The following MSH3 variants were observed in gnomAD, a reference collection of about 807,000 sequenced individuals.
MSH3 encodes DNA mismatch repair protein Msh3.
Under a neutral mutation model 123.3 loss-of-function variants are expected in MSH3, and 106 were observed. That is an observed-to-expected ratio of 0.86 (90% CI 0.73 to 1.01). The LOEUF (loss-of-function observed/expected upper bound fraction) is 1.01, where lower values mean the gene tolerates loss of function less well. MSH3 is among the 50% of genes least tolerant of loss of function. MSH3 has a pLI of 0.00. For synonymous variants in MSH3, 515 were observed against 481.4 expected, an observed-to-expected ratio of 1.07 and a Z score of -0.91; for missense variants, 1,459 against 1,347.6, an observed-to-expected ratio of 1.08 and a Z score of -1.29.
intron 20 of MSH3, among the ~76,000 whole-genome samples, chr5:80,832,908 C>T (rs1486031261): frequency 1.3e-5 from 2 of 151,990 alleles, no homozygotes; most frequent in East Asian, 1.9e-4. Context: ...TAGCATTTTC[C>T]TTGCAAAAGG....
chr5:80,712,183 G>A (rs1750872419), intron 8 of MSH3, among the ~76,000 whole-genome samples: 1 of 152,102 alleles, frequency 6.6e-6, no homozygotes, highest in Admixed American at 6.5e-5. Flanking sequence ...CAGCCTCCAG[G>A]GTTCTAGTCC....
intron 21 of MSH3, among the ~76,000 whole-genome samples, chr5:80,857,916 T>C (rs910664037): frequency 2.6e-5 from 4 of 152,134 alleles, no homozygotes; most frequent in African/African-American, 9.6e-5. Flanking sequence ...TTATCTCTTT[T>C]CTTTTGCTTA....
At chr5:80,871,360 C>T (rs1210942765) in intron 22 of MSH3, among the ~76,000 whole-genome samples, 2 of 152,220 alleles carry the variant, frequency 1.3e-5, no homozygotes, top group Admixed American at 6.5e-5. Context: ...TTTATTACCT[C>T]ATAATTTCTG....
intron 10 of MSH3, 21 bp downstream of exon 10, chr5:80,728,986 TAAA>T: frequency 7.7e-7 from 1 of 1,292,060 alleles, no homozygotes. Flanking sequence ...CCTCCAAAAT[TAAA>T]AAAAGGGGGA....
Position 80,875,867 on chromosome 5 carries a change from A to T in MSH3, c.*5A>T. On this transcript the variant is annotated 3_prime_UTR_variant, in exon 24 of 24. Coordinates refer to ENST00000265081, the MANE Select transcript of MSH3 (RefSeq NM_002439.5). ...CAGACTTCTCTTCTTCATTAAAATG[A>T]AGACTACATTTGTGAACAAAAAATG... 1.3e-6 allele frequency: 2 copies of T among 1,547,012 alleles called. No homozygotes were observed. The highest frequency in any genetic ancestry group is 2.2e-5 in the South Asian group (2 of 89,508).
In MSH3 at chr5:80,864,903, G is replaced by C. The variant is rs1443075472; in HGVS notation, c.3091G>C (p.Gly1031Arg). 6.2e-7 allele frequency: 1 copy of C among 1,613,842 alleles called. No individual in the cohort carries two copies. The highest frequency in any genetic ancestry group is 8.5e-7 in the Non-Finnish European group (1 of 1,179,810). The stretch of plus-strand genomic sequence containing the variant: ...ACACCAGGTGGGGAATTACCACATG[G>C]GATTCTTGGTCAGTGAGGATGAAAG... ...YSHQVGNYHM[G>R]FLVSEDESKL... Residue 1031 changes from glycine (G) to arginine (R), a missense_variant, in exon 22 of 24, where the codon GGA becomes CGA. Physicochemically the swap from Gly to Arg is moderately radical, Grantham distance 125 (BLOSUM62 -2). Coordinates refer to ENST00000265081, the MANE Select transcript of MSH3 (RefSeq NM_002439.5).
At chr5:80,869,813 CAT>C (rs372333581) in intron 22 of MSH3, among the ~76,000 whole-genome samples, 20,394 of 129,286 alleles carry the variant, frequency 0.16, 1,536 homozygotes, top group East Asian at 0.27. Context: ...TACATATATA[CAT>C]ATATATATAC....
At chr5:80,692,774 A>G (rs893418500) in intron 8 of MSH3, among the ~76,000 whole-genome samples, 3 of 98,220 alleles carry the variant, frequency 3.1e-5, no homozygotes, top group South Asian at 2.9e-4. Context: ...ATACACATGT[A>G]TATGTTTGAT....
At chr5:80,730,894 A>ATTTTTTTTTTTTTTTTTTTTTTTTTTT (rs59224150) in intron 10 of MSH3, among the ~76,000 whole-genome samples, 1 of 127,780 alleles carries the variant, frequency 7.8e-6, no homozygotes, top group African/African-American at 3.0e-5. Context: ...ATATATATAT[A>ATTTTTTTTTTTTTTTTTTTTTTTTTTT]TTTTTTTTTT....
At chr5:80,821,414 T>G (rs1173239297) in intron 20 of MSH3, among the ~76,000 whole-genome samples, 1 of 152,234 alleles carries the variant, frequency 6.6e-6, no homozygotes, top group Non-Finnish European at 1.5e-5. Flanking sequence ...TGAAATTATT[T>G]TCACATTTAT....
chr5:80,875,907 C>T lies in MSH3; in HGVS notation c.*45C>T, dbSNP rs747382686. Reference sequence around the variant, plus strand: ...AACAAAAAATGGAGAATTAAAAATACCAACTGTACAAAATAACTCTCCAGT... The same window carrying T: ...AACAAAAAATGGAGAATTAAAAATATCAACTGTACAAAATAACTCTCCAGT... On this transcript the variant is annotated 3_prime_UTR_variant, in exon 24 of 24. Coordinates refer to ENST00000265081, the MANE Select transcript of MSH3 (RefSeq NM_002439.5). 2 of 1,183,126 alleles carry T rather than the reference C, an allele frequency of 1.7e-6. No homozygotes were observed. The highest frequency in any genetic ancestry group is 1.3e-5 in the South Asian group (1 of 79,706). The allele number at this position is 1,183,126 out of a possible 1,614,324, so 73.3% of individuals were successfully genotyped here. A position where few individuals can be genotyped will look rare whatever the true frequency, so the allele number is the denominator to read the frequency against.
chr5:80,787,890 G>A (rs1156891082), intron 18 of MSH3, among the ~76,000 whole-genome samples: 1 of 152,146 alleles, frequency 6.6e-6, no homozygotes, highest in Non-Finnish European at 1.5e-5. Flanking sequence ...TAAAGTTTAT[G>A]TGGGTGACAT....
chr5:80,729,964 G>C (rs975656047), intron 10 of MSH3, among the ~76,000 whole-genome samples: 2 of 152,124 alleles, frequency 1.3e-5, no homozygotes, highest in African/African-American at 2.4e-5. Context: ...AATTAACTAG[G>C]AAACAAGGAG....
intron 20 of MSH3, among the ~76,000 whole-genome samples, chr5:80,848,418 C>T (rs1366707143): frequency 6.6e-6 from 1 of 152,054 alleles, no homozygotes; most frequent in Non-Finnish European, 1.5e-5. Context: ...GATACCAAAT[C>T]GAGATTTTGC....
At chr5:80,803,794 TG>T (rs1253217340) in intron 19 of MSH3, among the ~76,000 whole-genome samples, 1 of 152,094 alleles carries the variant, frequency 6.6e-6, no homozygotes, top group Non-Finnish European at 1.5e-5. Context: ...CTTCTGCATA[TG>T]GGGGTATTGA....
At chr5:80,871,518 C>T (rs1746215232) in intron 22 of MSH3, among the ~76,000 whole-genome samples, 1 of 152,186 alleles carries the variant, frequency 6.6e-6, no homozygotes, top group South Asian at 2.1e-4. Context: ...CCAGCCCACA[C>T]ATGGCTCTTG....
intron 7 of MSH3, among the ~76,000 whole-genome samples, chr5:80,676,134 A>G (rs199754296): frequency 1.3e-5 from 2 of 152,090 alleles, no homozygotes; most frequent in African/African-American, 4.8e-5. Flanking sequence ...AGGTTCAAGC[A>G]ATTCTCCTGC....
At chr5:80,690,782 A>C (rs2112827996) in intron 8 of MSH3, among the ~76,000 whole-genome samples, 1 of 152,316 alleles carries the variant, frequency 6.6e-6, no homozygotes, top group East Asian at 1.9e-4. Flanking sequence ...TAAGACCTTA[A>C]CCTAAGATCA....
intron 20 of MSH3, among the ~76,000 whole-genome samples, chr5:80,817,120 G>A (rs1745118076): frequency 6.6e-6 from 1 of 152,180 alleles, no homozygotes; most frequent in African/African-American, 2.4e-5. Context: ...TTTCATAGTT[G>A]AGTAAGAAGT....
Sources: gnomAD v4.1 joint callset for allele counts (sites outside exome capture counted in the v4.1 genomes callset) on GRCh38, gnomAD v4.1.1 for gene constraint, MANE v1.5 for transcripts, NCBI Gene and HGNC (gene_info 2026-07-23, HGNC 2026-07-21) for gene names.